The following PLD5 variants were observed in gnomAD, a reference collection of about 807,000 sequenced individuals.
PLD5 encodes phospholipase D family member 5, also known as inactive phospholipase D5.
A neutral mutation model predicts 61.1 loss-of-function variants in PLD5; 36 were observed. The observed-to-expected ratio is 0.59, with a 90% CI of 0.45 to 0.78. PLD5 has a LOEUF of 0.78. Ranked by LOEUF, PLD5 falls within the 30% of genes least tolerant of loss-of-function variation. The pLI is 0.00. For synonymous variants in PLD5, 243 were observed against 242.8 expected, an observed-to-expected ratio of 1.00 and a Z score of -0.01; for missense variants, 515 against 644.4, an observed-to-expected ratio of 0.80 and a Z score of 2.17.
At chr1:242,090,176 A>T in intron 9 of PLD5, 66 bp from the exon 10 acceptor site, 2 of 1,565,244 alleles carry the variant, frequency 1.3e-6, no homozygotes, top group East Asian at 2.3e-5. Context: ...CAATATAATG[A>T]AATTCAGAGT....
chr1:242,441,635 C>T (rs1000347335), intron 1 of PLD5, among the ~76,000 whole-genome samples: 3 of 151,784 alleles, frequency 2.0e-5, no homozygotes, highest in Admixed American at 2.0e-4. Context: ...ATATATATTA[C>T]TTTTGCACAT....
rs139399189 is a variant in PLD5 at position 242,212,690 on chromosome 1, C to T, written c.735+7298G>A. On this transcript the variant is annotated intron_variant, in intron 5 of 9. Transcript: ENST00000536534. ...GCCTAAGCAGGTGCAAAGTGGCTGC[C>T]GCCCTGGGGCCTGCCTGCTCAGCTC... Among the ~76,000 whole-genome samples, 461 of 152,322 alleles carry T rather than the reference C, an allele frequency of 3.0e-3. 2 individuals are homozygous for T. Among genetic ancestry groups the T allele is most frequent in the African/African-American group, 0.01 (431 of 41,584 alleles).
At chr1:242,123,306 G>A (rs1662527682) in intron 6 of PLD5, among the ~76,000 whole-genome samples, 1 of 152,082 alleles carries the variant, frequency 6.6e-6, no homozygotes, top group Non-Finnish European at 1.5e-5. Flanking sequence ...AAAACACTTT[G>A]AATATTAAAC....
intron 5 of PLD5, among the ~76,000 whole-genome samples, chr1:242,203,403 G>A (rs1669110545): frequency 1.3e-5 from 2 of 152,180 alleles, no homozygotes; most frequent in South Asian, 4.1e-4. Context: ...GCTAGAGCAA[G>A]CTCTGGATAT....
At chr1:242,268,834 C>T (rs1468962099) in intron 3 of PLD5, among the ~76,000 whole-genome samples, 2 of 152,036 alleles carry the variant, frequency 1.3e-5, no homozygotes, top group African/African-American at 4.8e-5. Flanking sequence ...GAGTTACATT[C>T]ACTCATTTTT....
chr1:242,121,961 G>A (rs1422578380), intron 6 of PLD5, among the ~76,000 whole-genome samples: 1 of 126,560 alleles, frequency 7.9e-6, no homozygotes, highest in East Asian at 2.9e-4. Flanking sequence ...GGAGGGGGGA[G>A]GGATAGCATT....
At chr1:242,312,483 C>T (rs1016094664) in intron 2 of PLD5, among the ~76,000 whole-genome samples, 4 of 152,060 alleles carry the variant, frequency 2.6e-5, no homozygotes, top group African/African-American at 9.7e-5. Context: ...TTTGCTTCTT[C>T]TTGGGGTCTC....
chr1:242,333,584 C>G (rs1558473668), intron 2 of PLD5, among the ~76,000 whole-genome samples: 1 of 152,046 alleles, frequency 6.6e-6, no homozygotes, highest in Non-Finnish European at 1.5e-5. Context: ...TAAAAGGTAC[C>G]ATTTTTACCA....
intron 6 of PLD5, among the ~76,000 whole-genome samples, chr1:242,122,468 T>C (rs1220775757): frequency 1.3e-5 from 2 of 152,212 alleles, no homozygotes; most frequent in Non-Finnish European, 2.9e-5. Flanking sequence ...GATCAAGCGA[T>C]CCACGCTTGG....
intron 4 of PLD5, among the ~76,000 whole-genome samples, chr1:242,255,077 C>T (rs1672939654): frequency 6.6e-6 from 1 of 152,036 alleles, no homozygotes; most frequent in Non-Finnish European, 1.5e-5. Flanking sequence ...TTGGGGCACC[C>T]TGACTTCCAT....
At chr1:242,487,049 C>T (rs753971225) in intron 1 of PLD5, among the ~76,000 whole-genome samples, 12 of 151,182 alleles carry the variant, frequency 7.9e-5, no homozygotes, top group Non-Finnish European at 1.0e-4. Flanking sequence ...CATCACACCC[C>T]GGGGTCTGTT....
At chr1:242,192,334 C>T (rs316822) in intron 5 of PLD5, 69,241 of 152,030 alleles carry the variant, frequency 0.46, 16,208 homozygotes, top group South Asian at 0.64. Context: ...TCTTTTCTCA[C>T]ATCCACTTGT....
At chr1:242,136,043 G>T (rs908300381) in intron 5 of PLD5, among the ~76,000 whole-genome samples, 20 of 152,138 alleles carry the variant, frequency 1.3e-4, no homozygotes, top group African/African-American at 4.8e-4. Context: ...CCTGGTCTTT[G>T]ACTGTTTTGT....
chr1:242,424,788 G>A (rs1164040604), intron 1 of PLD5, among the ~76,000 whole-genome samples: 1 of 152,002 alleles, frequency 6.6e-6, no homozygotes, highest in Admixed American at 6.6e-5. Flanking sequence ...CCACTTCCAG[G>A]AATAAAAACC....
At chr1:242,125,070 G>C (rs1428468721) in intron 5 of PLD5, among the ~76,000 whole-genome samples, 5 of 152,090 alleles carry the variant, frequency 3.3e-5, no homozygotes, top group Non-Finnish European at 7.4e-5. Flanking sequence ...GGATTCTGGA[G>C]TCAGACTGCC....
chr1:242,114,184 A>T (rs1457982301), intron 6 of PLD5, among the ~76,000 whole-genome samples, 158 bp from the exon 7 acceptor site: 1 of 152,220 alleles, frequency 6.6e-6, no homozygotes, highest in Non-Finnish European at 1.5e-5. Flanking sequence ...CAATCTTATC[A>T]AAGTTGAATA....
chr1:242,484,162 G>A (rs1338914321), intron 1 of PLD5, among the ~76,000 whole-genome samples: 2 of 152,052 alleles, frequency 1.3e-5, no homozygotes, highest in Non-Finnish European at 2.9e-5. Flanking sequence ...ACAGAAGCAA[G>A]AGCAAACACA....
intron 5 of PLD5, among the ~76,000 whole-genome samples, chr1:242,180,034 G>A (rs1186066630): frequency 6.6e-5 from 10 of 152,074 alleles, no homozygotes; most frequent in African/African-American, 2.4e-5. Context: ...CTAAAATCTC[G>A]AGTGCTTTTG....
intron 1 of PLD5, among the ~76,000 whole-genome samples, chr1:242,371,023 G>T (rs1228699896): frequency 2.6e-5 from 4 of 152,222 alleles, no homozygotes; most frequent in Non-Finnish European, 5.9e-5. Context: ...TCACTGCAAA[G>T]GTTGGTATTT....
Sources: gnomAD v4.1 joint callset for allele counts (sites outside exome capture counted in the v4.1 genomes callset) on GRCh38, gnomAD v4.1.1 for gene constraint, MANE v1.5 for transcripts, NCBI Gene and HGNC (gene_info 2026-07-23, HGNC 2026-07-21) for gene names.